The following PPP2R2C variants were observed in gnomAD, a reference collection of about 807,000 sequenced individuals.
The protein encoded by PPP2R2C is protein phosphatase 2 regulatory subunit Bgamma, also known as protein phosphatase 2, regulatory subunit B, gamma.
PPP2R2C carries 10 observed loss-of-function variants against 45.3 expected under a neutral mutation model. The observed-to-expected ratio is 0.22, with a 90% confidence interval of 0.14 to 0.37. The LOEUF (loss-of-function observed/expected upper bound fraction) is 0.37. Among genes scored for constraint, PPP2R2C ranks in the 10% least tolerant of loss-of-function variants. PPP2R2C has a pLI of 1.00. For missense variants in PPP2R2C, 308 were observed against 619.7 expected (o/e 0.50, Z 5.34); for synonymous variants, 257 against 245.4 (o/e 1.05, Z -0.44).
chr4:6,389,212 T>G (rs1716432745), intron 1 of PPP2R2C, among the ~76,000 whole-genome samples: 1 of 152,170 alleles, frequency 6.6e-6, no homozygotes, highest in Non-Finnish European at 1.5e-5. Flanking sequence ...TTCAAACGAT[T>G]CTGTGGACTA....
At chr4:6,349,719 T>A in intron 5 of PPP2R2C, 1 of 683,052 alleles carries the variant, frequency 1.5e-6, no homozygotes, top group South Asian at 6.9e-5. Context: ...CTGACCAACA[T>A]TGCAAAACCC....
chr4:6,460,957 C>T (rs2108757175), intron 1 of PPP2R2C, among the ~76,000 whole-genome samples: 1 of 152,242 alleles, frequency 6.6e-6, no homozygotes, highest in South Asian at 2.1e-4. Context: ...TCCCACTCCA[C>T]CCCACCCCAC....
chr4:6,411,604 G>C (rs897809528), intron 1 of PPP2R2C, among the ~76,000 whole-genome samples: 7 of 145,012 alleles, frequency 4.8e-5, no homozygotes, highest in Non-Finnish European at 1.0e-4. Flanking sequence ...CCAGGCTGGA[G>C]TGCAGTGGCG....
intron 1 of PPP2R2C, among the ~76,000 whole-genome samples, chr4:6,409,666 C>G (rs1718021849): frequency 6.6e-6 from 1 of 152,162 alleles, no homozygotes; most frequent in African/African-American, 2.4e-5. Context: ...CCTGTGACCA[C>G]AGATCAGAGG....
chr4:6,438,856 C>A (rs555347439), intron 1 of PPP2R2C, among the ~76,000 whole-genome samples: 41 of 152,288 alleles, frequency 2.7e-4, no homozygotes, highest in African/African-American at 9.4e-4. Context: ...TTTAAAGAAA[C>A]CTATTAGGTG....
intron 1 of PPP2R2C, among the ~76,000 whole-genome samples, chr4:6,455,974 C>G (rs57589793): frequency 0.36 from 53,566 of 148,260 alleles, 10,360 homozygotes; most frequent in Non-Finnish European, 0.46. Context: ...ATGTCTCCCT[C>G]ATTCCAGAAA....
intron 1 of PPP2R2C, among the ~76,000 whole-genome samples, chr4:6,385,491 C>T (rs2109322282): frequency 6.6e-6 from 1 of 152,284 alleles, no homozygotes; most frequent in South Asian, 2.1e-4. Context: ...ATACCACCTC[C>T]TCCAGGAAGC....
chr4:6,360,762 T>C (rs886780674), intron 5 of PPP2R2C, among the ~76,000 whole-genome samples: 8 of 152,208 alleles, frequency 5.3e-5, no homozygotes, highest in African/African-American at 1.9e-4. Flanking sequence ...CTGGCTGCCA[T>C]AGCAAAATGC....
At position 6,471,105 on chromosome 4, in the gene PPP2R2C, C is replaced by G. The variant is rs1297267491; in HGVS notation, c.70+1055G>C. ...CCTGGCCCACTCGGTCTCCCTGACACAGGCACCCACGCGCACCTGCCCCGC... is the reference window on the plus strand; with the variant it reads ...CCTGGCCCACTCGGTCTCCCTGACAGAGGCACCCACGCGCACCTGCCCCGC... On this transcript the variant is annotated intron_variant, in intron 1 of 8. Coordinates refer to ENST00000382599, the MANE Select transcript of PPP2R2C (RefSeq NM_020416.4). This position sits in a 1 kb window ranked among gnomAD's most constrained non-coding sequence, Gnocchi z 5.6. 6.6e-6 allele frequency among the ~76,000 whole-genome samples: 1 copy of G among 152,178 alleles called. No individual in the cohort carries two copies. The highest frequency in any genetic ancestry group is 1.5e-5 in the Non-Finnish European group (1 of 68,020).
rs547125039 is a variant in PPP2R2C at position 6,557,193 on chromosome 4, T to C, written c.-59+6367A>G. 4.7e-4 allele frequency among the ~76,000 whole-genome samples: 71 copies of C among 152,342 alleles called. 1 individual carries two copies. The South Asian group carries it at 7.7e-3, about 16-fold the overall frequency. On this transcript the variant is annotated intron_variant, in intron 1 of 9. Coordinates refer to the PPP2R2C transcript ENST00000506140. ...AAATAGTCACTTTAAATTCACTGTA[T>C]TGTGGTCCTGCAGCACTGACATTAG...
At chr4:6,377,114 G>A (rs1427203067) in intron 3 of PPP2R2C, among the ~76,000 whole-genome samples, 1 of 152,234 alleles carries the variant, frequency 6.6e-6, no homozygotes, top group Non-Finnish European at 1.5e-5. Flanking sequence ...AGGCACAGGC[G>A]GGCTGGCAGA....
chr4:6,535,930 G>C (rs1724596376), intron 1 of PPP2R2C, among the ~76,000 whole-genome samples: 1 of 152,186 alleles, frequency 6.6e-6, no homozygotes, highest in African/African-American at 2.4e-5. Flanking sequence ...ATGCCCTGTG[G>C]CAGGGACAAC....
chr4:6,517,542 A>G (rs1319664190), intron 2 of PPP2R2C, among the ~76,000 whole-genome samples: 1 of 152,176 alleles, frequency 6.6e-6, no homozygotes, highest in Non-Finnish European at 1.5e-5. Flanking sequence ...TCTCTAATAC[A>G]TATTTTCCCC....
intron 5 of PPP2R2C, among the ~76,000 whole-genome samples, chr4:6,360,102 A>G (rs953767677): frequency 1.2e-4 from 18 of 152,236 alleles, no homozygotes; most frequent in Non-Finnish European, 2.4e-4. Context: ...AGCACAGACC[A>G]GTCAAATAGT....
chr4:6,472,030 T>G (rs1577208803), intron 1 of PPP2R2C, 130 bp downstream of exon 1: 630 of 773,484 alleles, frequency 8.1e-4, no homozygotes, highest in African/African-American at 9.2e-4. Context: ...TGGGGTGGGA[T>G]GGGGTGGGGT....
intron 1 of PPP2R2C, among the ~76,000 whole-genome samples, chr4:6,414,834 G>C (rs1357545702): frequency 6.6e-6 from 1 of 152,090 alleles, no homozygotes; most frequent in African/African-American, 2.4e-5. Flanking sequence ...AGCTTCAGGG[G>C]CCTCATCTGA....
At chr4:6,523,429 C>G (rs10032087) in intron 2 of PPP2R2C, 49,401 of 151,938 alleles carry the variant, frequency 0.33, 8,240 homozygotes, top group Admixed American at 0.37. Flanking sequence ...TGGGCAGTGG[C>G]CTTGGACACA....
intron 1 of PPP2R2C, among the ~76,000 whole-genome samples, chr4:6,460,797 G>T (rs1217060263): frequency 6.6e-6 from 1 of 152,086 alleles, no homozygotes; most frequent in Non-Finnish European, 1.5e-5. Flanking sequence ...ACAGCCAATA[G>T]AAATCAAAAT....
intron 5 of PPP2R2C, among the ~76,000 whole-genome samples, chr4:6,362,598 AAGG>A (rs1294117384): frequency 6.6e-6 from 1 of 152,224 alleles, no homozygotes; most frequent in Non-Finnish European, 1.5e-5. Context: ...AGGCCATCAG[AAGG>A]ACACTTGGCT....
Sources: allele counts gnomAD v4.1 joint callset (sites outside exome capture counted in the v4.1 genomes callset), GRCh38; gene constraint gnomAD v4.1.1; non-coding constraint Gnocchi (gnomAD v3.1); transcripts MANE v1.5; gene names NCBI Gene and HGNC (gene_info 2026-07-23, HGNC 2026-07-21).